The following RIC1 variants were observed in gnomAD, a reference collection of about 807,000 sequenced individuals.
The protein encoded by RIC1 is guanine nucleotide exchange factor subunit RIC1.
In RIC1, 88 loss-of-function variants were observed where a neutral mutation model predicts 169.0. The ratio of observed to expected loss-of-function variants is 0.52; its 90% CI spans 0.44 to 0.62. The LOEUF is 0.62. Among genes scored for constraint, RIC1 ranks in the 20% least tolerant of loss-of-function variants. The pLI, the probability that RIC1 is intolerant of heterozygous loss-of-function variation, is 0.00. For synonymous variants in RIC1, 790 were observed against 601.5 expected (o/e 1.31, Z -4.59); for missense variants, 1,877 against 1,725.5 (o/e 1.09, Z -1.56).
At chr9:5,664,192 G>T (rs1296483143) in intron 2 of RIC1, among the ~76,000 whole-genome samples, 1 of 151,886 alleles carries the variant, frequency 6.6e-6, no homozygotes, top group African/African-American at 2.4e-5. Context: ...GGCGGATAAC[G>T]AGGTCAAGAG....
In RIC1 at chr9:5,641,393, C is replaced by A. The variant is rs192580932; in HGVS notation, c.144+11940C>A. Among the ~76,000 whole-genome samples, 368 of 151,830 alleles carry A rather than the reference C, an allele frequency of 2.4e-3. 2 individuals are homozygous for A. The highest frequency in any genetic ancestry group is 0.014 in the Middle Eastern group (4 of 292). On this transcript the variant is annotated intron_variant, in intron 1 of 25. Coordinates refer to ENST00000414202, the MANE Select transcript of RIC1 (RefSeq NM_020829.4). ...GGCATGAGCCACCGCGCCCGGCCGC[C>A]ATGAGGTACTCTTCTTTAGGTTAAA...
chr9:5,747,330 G>C lies in RIC1; in HGVS notation c.1277G>C (p.Gly426Ala). Residue 426 changes from glycine to alanine, a missense_variant, in exon 12 of 26, where the codon GGT (glycine) becomes GCT (alanine). Coordinates refer to ENST00000414202, the MANE Select transcript of RIC1 (RefSeq NM_020829.4). Reference sequence around the variant, plus strand: ...AACCAAGAGCAGGTGTTGCTTCAGGGTGAGGATCGCTTGTACTTGAACTGT... The same window carrying C: ...AACCAAGAGCAGGTGTTGCTTCAGGCTGAGGATCGCTTGTACTTGAACTGT... ...MSNQEQVLLQ[G>A]EDRLYLNCGE... The C allele has an allele frequency of 2.5e-6, 4 of 1,613,996 alleles. No homozygotes were observed. The highest frequency in any genetic ancestry group is 3.4e-6 in the Non-Finnish European group (4 of 1,179,946).
At chr9:5,680,261 T>A (rs558492165) in intron 2 of RIC1, among the ~76,000 whole-genome samples, 1 of 152,354 alleles carries the variant, frequency 6.6e-6, no homozygotes, top group Non-Finnish European at 1.5e-5. Flanking sequence ...TATTGAGGAT[T>A]TTTGCTTCAA....
At chr9:5,767,797 G>A (rs1037022712) in intron 21 of RIC1, among the ~76,000 whole-genome samples, 1 of 151,968 alleles carries the variant, frequency 6.6e-6, no homozygotes, top group Non-Finnish European at 1.5e-5. Flanking sequence ...GTATTGGTCA[G>A]GCTAGTCTCA....
At chr9:5,713,326 C>G (rs1022983581) in intron 3 of RIC1, 1 of 152,338 alleles carries the variant, frequency 6.6e-6, no homozygotes, top group Non-Finnish European at 1.5e-5. Flanking sequence ...TGACCCAGCA[C>G]TCTACTGCAG....
In RIC1 at chr9:5,763,090, C is replaced by G; in HGVS notation, c.2113-50C>G. 6.3e-7 allele frequency: 1 copy of G among 1,576,448 alleles called. No individual in the cohort carries two copies. Among genetic ancestry groups the G allele is most frequent in the Non-Finnish European group, 8.6e-7 (1 of 1,162,086 alleles). On this transcript the variant is annotated intron_variant, in intron 18 of 25. Coordinates refer to ENST00000414202, the MANE Select transcript of RIC1 (RefSeq NM_020829.4). The surrounding 1 kb of genome is among the most constrained non-coding windows in gnomAD (Gnocchi z 5.2). ...AAACTAGTACCTAGGAACTTAAGAA[C>G]CTGCAGATTTAATAGGAAAACAACT...
intron 18 of RIC1, 35 bp downstream of exon 18, chr9:5,762,695 T>A (rs1826423227): frequency 2.4e-5 from 39 of 1,604,586 alleles, no homozygotes; most frequent in Middle Eastern, 1.7e-4. Context: ...TTTCAAACAT[T>A]AAGAAGGTAT....
At chr9:5,671,567 C>A (rs1033228685) in intron 2 of RIC1, among the ~76,000 whole-genome samples, 1 of 152,206 alleles carries the variant, frequency 6.6e-6, no homozygotes, top group Admixed American at 6.5e-5. Context: ...TGAGTCACTG[C>A]ACCCAGCCTG....
rs373028666 is a variant in RIC1, at chr9:5,772,785, G to C, written c.3794+44G>C. 1.5e-5 allele frequency: 24 copies of C among 1,574,466 alleles called. No homozygotes were observed. In the African/African-American group the frequency reaches 3.1e-4, roughly 20 times the overall value. On this transcript the variant is annotated intron_variant, in intron 24 of 25. Coordinates refer to ENST00000414202, the MANE Select transcript of RIC1 (RefSeq NM_020829.4). The stretch of plus-strand genomic sequence containing the variant: ...TGAAATCACAGAATGCCTACTCAGA[G>C]TATTTGGGCAAATAGGTATGGGGCT...
intron 6 of RIC1, among the ~76,000 whole-genome samples, chr9:5,725,631 G>A (rs1030241804): frequency 2.6e-5 from 4 of 151,986 alleles, no homozygotes; most frequent in Non-Finnish European, 5.9e-5. Context: ...TGCTTCTCTA[G>A]TTCTTTTAAT....
intron 2 of RIC1, among the ~76,000 whole-genome samples, chr9:5,663,979 G>C (rs577289424): frequency 9.9e-5 from 15 of 152,264 alleles, no homozygotes; most frequent in African/African-American, 3.6e-4. Context: ...TCCTTCAGGA[G>C]CTCTTGCAAA....
In RIC1 at chr9:5,738,509, AATT is replaced by A; in HGVS notation, c.874_876del (p.Leu292del). 1 of 1,600,586 alleles carries A rather than the reference AATT, an allele frequency of 6.2e-7. No individual in the cohort carries two copies. The highest frequency in any genetic ancestry group is 8.5e-7 in the Non-Finnish European group (1 of 1,174,852). On this transcript the variant is annotated inframe_deletion, in exon 8 of 26. Transcript: ENST00000414202. ...ACTGGAGCCATGCTGCTATCTCATA[AATT>A]AGAGCTAACAGCAAAACAGTATCCT... is the stretch of plus-strand genomic sequence containing the variant.
At chr9:5,708,609 T>C (rs573612780) in intron 3 of RIC1, among the ~76,000 whole-genome samples, 15 of 152,252 alleles carry the variant, frequency 9.9e-5, no homozygotes, top group African/African-American at 3.4e-4. Flanking sequence ...CTATGAAAAG[T>C]TGGCTGTCAG....
chr9:5,763,288 C>T lies in RIC1; in HGVS notation c.2261C>T (p.Pro754Leu). The change falls in exon 19 of 26, where the codon CCT becomes CTT. Residue 754 changes from proline (P) to leucine (L), a missense_variant. Transcript: ENST00000414202. This position sits in a 1 kb window ranked among gnomAD's most constrained non-coding sequence, Gnocchi z 5.2. ...ATGAAAGTTTGGCTCCCTCTCTTCC[C>T]TAGGGATCACCGCAAGCCCCATTCC... ...AGMKVWLPLFPRDHRKPHSFL... is the reference protein window; with the variant it reads ...AGMKVWLPLFLRDHRKPHSFL... The T allele has an allele frequency of 6.2e-7, 1 of 1,614,146 alleles. No individual in the cohort carries two copies. Among genetic ancestry groups the T allele is most frequent in the Non-Finnish European group, 8.5e-7 (1 of 1,180,008 alleles).
intron 2 of RIC1, among the ~76,000 whole-genome samples, chr9:5,670,324 C>G (rs1225521156): frequency 6.6e-6 from 1 of 152,170 alleles, no homozygotes; most frequent in East Asian, 1.9e-4. Flanking sequence ...GCTTTCTTAG[C>G]CTGTGCCCAG....
chr9:5,742,862 C>T lies in RIC1; in HGVS notation c.902-7C>T, dbSNP rs376555854. On this transcript the variant is annotated splice_region_variant and splice_polypyrimidine_tract_variant and intron_variant, in intron 8 of 25. Coordinates refer to ENST00000414202, the MANE Select transcript of RIC1 (RefSeq NM_020829.4). ...TATTTTTAACTCTTCTCACTATTTC[C>T]TAACAGACATTTGGAATAAAACAGG... is the stretch of plus-strand genomic sequence containing the variant. 35 of 1,598,664 alleles carry T rather than the reference C, an allele frequency of 2.2e-5. No individual in the cohort carries two copies. Among genetic ancestry groups the T allele is most frequent in the Non-Finnish European group, 3.0e-5 (35 of 1,171,008 alleles).
At chr9:5,698,972 T>C (rs1051718176) in intron 3 of RIC1, among the ~76,000 whole-genome samples, 1 of 152,196 alleles carries the variant, frequency 6.6e-6, no homozygotes, top group African/African-American at 2.4e-5. Context: ...GGTGTACTTG[T>C]TCAAAAGCAA....
chr9:5,645,097 TA>T (rs142553348), intron 1 of RIC1, among the ~76,000 whole-genome samples: 26 of 150,000 alleles, frequency 1.7e-4, no homozygotes, highest in Admixed American at 1.6e-3. Context: ...TTTGTCCATT[TA>T]AAAAAAAAAC....
At chr9:5,722,414 A>G (rs1333084262) in intron 6 of RIC1, among the ~76,000 whole-genome samples, 2 of 149,242 alleles carry the variant, frequency 1.3e-5, no homozygotes, top group African/African-American at 2.5e-5. Flanking sequence ...GTCTATAGGT[A>G]TGTATCACAC....
Sources: gnomAD v4.1 joint callset for allele counts (sites outside exome capture counted in the v4.1 genomes callset) on GRCh38, gnomAD v4.1.1 for gene constraint, Gnocchi (gnomAD v3.1) non-coding constraint, MANE v1.5 for transcripts, NCBI Gene and HGNC (gene_info 2026-07-23, HGNC 2026-07-21) for gene names.